Variants in SEC14L2 observed in about 807,000 individuals in gnomAD.
SEC14L2 encodes SEC14-like protein 2.
In SEC14L2, 50 loss-of-function variants were observed where a neutral mutation model predicts 56.9. The observed-to-expected ratio is 0.88, with a 90% CI of 0.70 to 1.11. The LOEUF (loss-of-function observed/expected upper bound fraction) is 1.11, where lower values mean the gene tolerates loss of function less well. SEC14L2 is among the 50% of genes most tolerant of loss of function. The pLI is 0.00. For synonymous variants in SEC14L2, 179 were observed against 188.5 expected (o/e 0.95, Z 0.41); for missense variants, 414 against 500.7 (o/e 0.83, Z 1.65).
At chr22:30,397,196 C>A in intron 1 of SEC14L2, 26 bp downstream of exon 1, 1 of 1,503,592 alleles carries the variant, frequency 6.7e-7, no homozygotes, top group Non-Finnish European at 8.9e-7. Context: ...GGCCCGGGCT[C>A]CCGCCTCGGG....
chr22:30,408,254 C>T (rs1199025374), intron 5 of SEC14L2, among the ~76,000 whole-genome samples: 1 of 152,118 alleles, frequency 6.6e-6, no homozygotes, highest in East Asian at 1.9e-4. Flanking sequence ...TTGGGTACCA[C>T]TGGTGCAAAT....
At chr22:30,421,594 C>G (rs1466076999) in intron 11 of SEC14L2, 1 of 152,190 alleles carries the variant, frequency 6.6e-6, no homozygotes, top group Non-Finnish European at 1.5e-5. Context: ...AGGGATGCAA[C>G]GAGCATCTCT....
chr22:30,421,939 C>T (rs919212968), intron 11 of SEC14L2, among the ~76,000 whole-genome samples: 9 of 152,182 alleles, frequency 5.9e-5, no homozygotes, highest in African/African-American at 2.2e-4. Context: ...AATTCTCCTC[C>T]CTCCTTTCAA....
At position 30,422,786 on chromosome 22, in the gene SEC14L2, G is replaced by C. The variant is rs1303130842; in HGVS notation, c.*379G>C. ...ACACTTCAGGGAAGTCAGCTGCCGG[G>C]GAGAAACTTGCTCCTAAATGAACAC... On this transcript the variant is annotated 3_prime_UTR_variant, in exon 12 of 12. Transcript: ENST00000615189. 1 of 171,374 alleles carries C rather than the reference G, an allele frequency of 5.8e-6. No homozygotes were observed. Among genetic ancestry groups the C allele is most frequent in the Non-Finnish European group, 1.3e-5 (1 of 79,686 alleles). 10.6% of individuals were successfully genotyped at this position (171,374 alleles called of 1,614,324 possible). A position where few individuals can be genotyped will look rare whatever the true frequency, so the allele number is the denominator to read the frequency against.
chr22:30,410,985 C>G (rs1432149394), intron 8 of SEC14L2, among the ~76,000 whole-genome samples: 1 of 152,208 alleles, frequency 6.6e-6, no homozygotes, highest in African/African-American at 2.4e-5. Context: ...GAAAGAGAGG[C>G]TGGGTGCAGT....
chr22:30,400,507 T>C (rs1933896322), intron 2 of SEC14L2: 1 of 152,280 alleles, frequency 6.6e-6, no homozygotes, highest in African/African-American at 2.4e-5. Context: ...TCCTTTCCTG[T>C]GATTCAGGTC....
chr22:30,401,122 C>A (rs1002325654), intron 2 of SEC14L2, among the ~76,000 whole-genome samples: 2 of 151,690 alleles, frequency 1.3e-5, no homozygotes, highest in African/African-American at 4.8e-5. Context: ...CAGGGTCTCA[C>A]TCTGCTGCCC....
At chr22:30,416,495 G>C in intron 11 of SEC14L2, 92 bp downstream of exon 11, 3 of 1,602,938 alleles carry the variant, frequency 1.9e-6, no homozygotes, top group Non-Finnish European at 1.7e-6. Flanking sequence ...TTGGCTCTGA[G>C]TGTTAGAACT....
At position 30,422,416 on chromosome 22, in the gene SEC14L2, C is replaced by T. The variant is rs1934545248; in HGVS notation, c.*9C>T. The T allele has an allele frequency of 6.2e-7, 1 of 1,613,984 alleles. No individual in the cohort carries two copies. Among genetic ancestry groups the T allele is most frequent in the African/African-American group, 1.3e-5 (1 of 74,926 alleles). On this transcript the variant is annotated 3_prime_UTR_variant, in exon 12 of 12. Coordinates refer to ENST00000615189, the MANE Select transcript of SEC14L2 (RefSeq NM_012429.5). The stretch of plus-strand genomic sequence containing the variant: ...CAGGCACCCCGAAATAACACCTTCT[C>T]CTATAGCAGGCCTGGCCCCCTCAGT...
intron 8 of SEC14L2, among the ~76,000 whole-genome samples, chr22:30,412,452 C>A (rs568662950): frequency 6.6e-6 from 1 of 151,706 alleles, no homozygotes; most frequent in Non-Finnish European, 1.5e-5. Context: ...TCACAGTCCA[C>A]GCAAGAGGTG....
chr22:30,405,013 T>C (rs561607476), intron 2 of SEC14L2, among the ~76,000 whole-genome samples: 3 of 151,516 alleles, frequency 2.0e-5, no homozygotes, highest in African/African-American at 7.3e-5. Flanking sequence ...GAGGTTGCAG[T>C]GAGCTGAGAT....
chr22:30,419,957 C>CT (rs762892426), intron 11 of SEC14L2, among the ~76,000 whole-genome samples: 3,213 of 137,046 alleles, frequency 0.023, 51 homozygotes, highest in Non-Finnish European at 0.029. Flanking sequence ...CTTTTCTTTT[C>CT]TTTTTTTTTT....
At chr22:30,407,312 A>G in intron 4 of SEC14L2, 103 bp from the exon 5 acceptor site, 1 of 1,456,010 alleles carries the variant, frequency 6.9e-7, no homozygotes, top group Non-Finnish European at 9.5e-7. Flanking sequence ...TACCCAGGAG[A>G]GGGAGGTAGA....
chr22:30,415,939 T>G lies in SEC14L2; in HGVS notation c.772-9T>G. On this transcript the variant is annotated splice_polypyrimidine_tract_variant and intron_variant, in intron 9 of 11. Transcript: ENST00000615189. Reference sequence around the variant, plus strand: ...GCACATTCCAGTTCACTCCATGCCATGCTTCTAGATCAACTACGGGGGTGA... The same window carrying G: ...GCACATTCCAGTTCACTCCATGCCAGGCTTCTAGATCAACTACGGGGGTGA... The G allele has an allele frequency of 6.2e-7, 1 of 1,614,164 alleles. No individual in the cohort carries two copies. The highest frequency in any genetic ancestry group is 8.5e-7 in the Non-Finnish European group (1 of 1,180,002).
chr22:30,413,867 G>A (rs1009176692), intron 8 of SEC14L2, among the ~76,000 whole-genome samples: 1 of 151,424 alleles, frequency 6.6e-6, no homozygotes, highest in Non-Finnish European at 1.5e-5. Context: ...TTTTGAGGGA[G>A]CCTTGCTGTT....
chr22:30,397,320 C>G (rs1170409834), intron 1 of SEC14L2, 150 bp downstream of exon 1: 1 of 714,068 alleles, frequency 1.4e-6, no homozygotes, highest in African/African-American at 1.9e-5. Flanking sequence ...GGCCCGCGCC[C>G]GCGGATGGCT....
chr22:30,406,313 C>G, intron 2 of SEC14L2, 29 bp from the exon 3 acceptor site: 2 of 1,613,534 alleles, frequency 1.2e-6, no homozygotes, highest in South Asian at 1.1e-5. Flanking sequence ...GCTAACCTAA[C>G]CCTGACCAGA....
chr22:30,409,963 T>A (rs570563908), intron 7 of SEC14L2, among the ~76,000 whole-genome samples: 3 of 151,990 alleles, frequency 2.0e-5, no homozygotes, highest in African/African-American at 7.3e-5. Context: ...TTTGGGAGGC[T>A]GAGGTGGGCA....
chr22:30,412,408 T>A (rs797002891), intron 8 of SEC14L2, among the ~76,000 whole-genome samples: 24 of 151,412 alleles, frequency 1.6e-4, no homozygotes, highest in African/African-American at 5.1e-4. Flanking sequence ...TTGCCTAGGC[T>A]GGAGTGCAGT....
Sources: allele counts gnomAD v4.1 joint callset (sites outside exome capture counted in the v4.1 genomes callset), GRCh38; gene constraint gnomAD v4.1.1; transcripts MANE v1.5; gene names NCBI Gene and HGNC (gene_info 2026-07-23, HGNC 2026-07-21).